Variants in RCBTB2 observed in about 807,000 individuals in gnomAD.
RCBTB2 encodes RCC1 and BTB domain-containing protein 2.
A neutral mutation model predicts 65.4 loss-of-function variants in RCBTB2; 55 were observed. That is an observed-to-expected ratio of 0.84 (90% CI 0.68 to 1.05). The LOEUF (loss-of-function observed/expected upper bound fraction) is 1.05. RCBTB2 is among the 50% of genes least tolerant of loss of function. RCBTB2 has a pLI of 0.00. For synonymous variants in RCBTB2, 220 were observed against 255.2 expected, an observed-to-expected ratio of 0.86 and a Z score of 1.31; for missense variants, 599 against 680.1, an observed-to-expected ratio of 0.88 and a Z score of 1.33.
intron 4 of RCBTB2, among the ~76,000 whole-genome samples, chr13:48,519,364 T>A (rs1305480337): frequency 2.0e-5 from 3 of 152,234 alleles, no homozygotes; most frequent in Non-Finnish European, 2.9e-5. Context: ...CAGAGTTTTA[T>A]ATTTCGTCCT....
At chr13:48,521,769 T>C (rs915050331) in intron 4 of RCBTB2, 129 bp downstream of exon 4, 11 of 827,690 alleles carry the variant, frequency 1.3e-5, no homozygotes, top group Non-Finnish European at 2.2e-5. Flanking sequence ...ATCTCAGTGA[T>C]TACACTGTGA....
intron 14 of RCBTB2, 60 bp from the exon 15 acceptor site, chr13:48,490,311 G>C: frequency 6.8e-7 from 1 of 1,466,606 alleles, no homozygotes; most frequent in African/African-American, 1.4e-5. Flanking sequence ...ATGCAACATA[G>C]CATGAAAATC....
chr13:48,492,938 C>T (rs548331509), intron 14 of RCBTB2, among the ~76,000 whole-genome samples: 23 of 152,110 alleles, frequency 1.5e-4, no homozygotes, highest in Admixed American at 3.9e-4. Context: ...TAATAGACAT[C>T]ACATACTTCT....
chr13:48,493,313 A>ACTCTCTCTCTCTCT (rs1213235186), intron 14 of RCBTB2, among the ~76,000 whole-genome samples: 463 of 60,030 alleles, frequency 7.7e-3, no homozygotes, highest in Middle Eastern at 0.013. Flanking sequence ...ACACACACAC[A>ACTCTCTCTCTCTCT]CACTCTCTCT....
At chr13:48,530,156 T>A (rs1952028149) in intron 1 of RCBTB2, among the ~76,000 whole-genome samples, 1 of 152,030 alleles carries the variant, frequency 6.6e-6, no homozygotes, top group African/African-American at 2.4e-5. Context: ...TGCCTTGGTC[T>A]CCCCCAAAGC....
chr13:48,501,807 A>C lies in RCBTB2; in HGVS notation c.1179T>G (p.Thr393=). The C allele has an allele frequency of 6.2e-7, 1 of 1,613,482 alleles. No homozygotes were observed. Among genetic ancestry groups the C allele is most frequent in the Non-Finnish European group, 8.5e-7 (1 of 1,179,350 alleles). ...CATCAACTAGAAACTTCAGGTCTGC[A>C]GTGTCCGGGTTGTCAAATTCCCTCT... The part of the protein sequence containing the change: ...SLKREFDNPD[T]ADLKFLVDGK... Residue 393 remains threonine (T), a synonymous_variant, in exon 12 of 15, where the codon ACT becomes ACG. Transcript: ENST00000344532.
At chr13:48,531,669 G>C (rs1566347695) in intron 1 of RCBTB2, among the ~76,000 whole-genome samples, 1 of 152,176 alleles carries the variant, frequency 6.6e-6, no homozygotes, top group Non-Finnish European at 1.5e-5. Context: ...TATCATTCTT[G>C]TTGCTTTTAC....
chr13:48,504,131 C>G (rs1950374451), intron 10 of RCBTB2: 1 of 976,822 alleles, frequency 1.0e-6, no homozygotes, highest in Admixed American at 6.2e-5. Flanking sequence ...CTCCCCTCAG[C>G]CACCACTGGG....
rs140643232 is a variant in RCBTB2, at chr13:48,502,779, G to A, written c.1062C>T (p.Asp354=). 2.6e-3 allele frequency: 4,175 copies of A among 1,613,928 alleles called. 70 individuals carry two copies. The African/African-American group carries it at 0.036, about 14-fold the overall frequency. Residue 354 remains aspartate, a synonymous_variant, in exon 11 of 15, where the codon GAC becomes GAT. Coordinates refer to ENST00000344532, the MANE Select transcript of RCBTB2 (RefSeq NM_001268.4). ...GCGTGGCAAAGCAGGCAAACACGTCGTCAGTGCAGGAGAAGTGGGTGAGGT... is the reference window on the plus strand; with the variant it reads ...GCGTGGCAAAGCAGGCAAACACGTCATCAGTGCAGGAGAAGTGGGTGAGGT... ...LPHLTHFSCT[D]DVFACFATPA...
intron 10 of RCBTB2, 66 bp downstream of exon 10, chr13:48,510,563 A>G (rs1032290934): frequency 2.6e-6 from 4 of 1,522,264 alleles, no homozygotes; most frequent in Admixed American, 1.7e-5. Flanking sequence ...TTCTCTATAT[A>G]TCTAAGTCCT....
intron 4 of RCBTB2, among the ~76,000 whole-genome samples, chr13:48,519,009 A>G (rs1951264593): frequency 6.6e-6 from 1 of 152,102 alleles, no homozygotes; most frequent in Non-Finnish European, 1.5e-5. Flanking sequence ...CTTATTTCTG[A>G]TCTTCACAAC....
intron 3 of RCBTB2, 108 bp from the exon 4 acceptor site, chr13:48,522,070 T>C: frequency 1.0e-6 from 1 of 974,196 alleles, no homozygotes; most frequent in Non-Finnish European, 1.6e-6. Flanking sequence ...TAAGCTCAAA[T>C]GTTGTGAAAG....
intron 10 of RCBTB2, among the ~76,000 whole-genome samples, chr13:48,503,525 G>T (rs753180653): frequency 6.6e-6 from 1 of 150,570 alleles, no homozygotes; most frequent in African/African-American, 2.5e-5. Flanking sequence ...CGATTGATGA[G>T]GAGGTAATTC....
In RCBTB2 at chr13:48,490,146, T is replaced by C; in HGVS notation, c.1621A>G (p.Ser541Gly). 2 of 1,614,174 alleles carry C rather than the reference T, an allele frequency of 1.2e-6. No homozygotes were observed. The highest frequency in any genetic ancestry group is 1.7e-6 in the Non-Finnish European group (2 of 1,179,998). The change falls in exon 15 of 15, where the codon AGC (serine) becomes GGC (glycine). Residue 541 changes from serine (S) to glycine (G), a missense_variant. Transcript: ENST00000344532. ...AAGGCTCCAACTCTGCTTGCTTTGC[T>C]GATAAAGTTCTTCAGGAGATCATGG... ...MDHDLLKNFI[S>G]KASRVGAFKN
intron 1 of RCBTB2, 144 bp downstream of exon 1, chr13:48,532,884 C>A (rs571254492): frequency 1.6e-5 from 7 of 429,692 alleles, no homozygotes; most frequent in African/African-American, 8.1e-5. Flanking sequence ...CGGCTCTAGT[C>A]CCCTGGGCCC....
intron 6 of RCBTB2, 49 bp downstream of exon 6, chr13:48,515,156 A>T: frequency 6.4e-7 from 1 of 1,560,392 alleles, no homozygotes; most frequent in Non-Finnish European, 8.7e-7. Flanking sequence ...AATGTTCTCA[A>T]GGGCAGCTGC....
intron 1 of RCBTB2, among the ~76,000 whole-genome samples, chr13:48,527,337 G>GATATATATATATATATATCATAT (rs1174299074): frequency 3.6e-5 from 4 of 112,152 alleles, no homozygotes; most frequent in African/African-American, 1.9e-4. Context: ...ATATATATAT[G>GATATATATATATATATATCATAT]ATATATATAT....
chr13:48,501,703 G>T, intron 12 of RCBTB2, 39 bp downstream of exon 12: 1 of 1,558,718 alleles, frequency 6.4e-7, no homozygotes, highest in Admixed American at 1.7e-5. Flanking sequence ...ATTGTTGAAC[G>T]AATTACTTTT....
intron 10 of RCBTB2, among the ~76,000 whole-genome samples, chr13:48,509,294 C>T (rs960355825): frequency 2.6e-5 from 4 of 152,032 alleles, no homozygotes; most frequent in African/African-American, 9.7e-5. Context: ...ACCACTGCAC[C>T]CCAACCTGGA....
Sources: gnomAD v4.1 joint callset for allele counts (sites outside exome capture counted in the v4.1 genomes callset) on GRCh38, gnomAD v4.1.1 for gene constraint, MANE v1.5 for transcripts, NCBI Gene and HGNC (gene_info 2026-07-23, HGNC 2026-07-21) for gene names.